The following LIPI variants were observed in gnomAD, a reference collection of about 807,000 sequenced individuals.
LIPI encodes lipase member I.
LIPI carries 59 observed loss-of-function variants against 50.6 expected under a neutral mutation model. That is an observed-to-expected ratio of 1.16 (90% CI 0.94 to 1.45). LIPI has a LOEUF of 1.45. LIPI is among the 40% of genes most tolerant of loss of function. LIPI has a pLI of 0.00. For missense variants in LIPI, 586 were observed against 536.3 expected (o/e 1.09, Z -0.92); for synonymous variants, 203 against 178.2 (o/e 1.14, Z -1.11).
At chr21:14,155,591 T>C (rs1245456459) in intron 7 of LIPI, among the ~76,000 whole-genome samples, 3 of 152,022 alleles carry the variant, frequency 2.0e-5, no homozygotes, top group Non-Finnish European at 2.9e-5. Flanking sequence ...AATGATGCAT[T>C]ACCTACAGGA....
At position 14,207,793 on chromosome 21, in the gene LIPI, C is replaced by T. The variant is rs143014774; in HGVS notation, c.46+3007G>A. Among the ~76,000 whole-genome samples the T allele has an allele frequency of 5.5e-4, 84 of 152,046 alleles. No homozygotes were observed. The East Asian group carries it at 7.5e-3, about 14-fold the overall frequency. On this transcript the variant is annotated intron_variant, in intron 1 of 9. Transcript: ENST00000681601. ...AAAAGAATTAAAGAGAAAATGAACA[C>T]GGAAAAAAACACAGTGGATTATTCT... is the stretch of plus-strand genomic sequence containing the variant.
chr21:14,176,767 G>A (rs1408646802), intron 4 of LIPI, among the ~76,000 whole-genome samples: 1 of 144,988 alleles, frequency 6.9e-6, no homozygotes, highest in Admixed American at 6.9e-5. Flanking sequence ...TCATAGCTCT[G>A]ATTATATTTA....
intron 2 of LIPI, among the ~76,000 whole-genome samples, chr21:14,187,762 T>TACTC (rs34331881): frequency 0.17 from 26,571 of 152,092 alleles, 2,744 homozygotes; most frequent in South Asian, 0.27. Context: ...AAGTTGATCT[T>TACTC]AATGATTACT....
intron 9 of LIPI, among the ~76,000 whole-genome samples, chr21:14,125,863 A>G (rs1359402468): frequency 6.6e-6 from 1 of 152,164 alleles, no homozygotes; most frequent in African/African-American, 2.4e-5. Flanking sequence ...CCAAGATGAT[A>G]GTTTTAAACC....
At chr21:14,183,012 G>A (rs374624450) in intron 3 of LIPI, among the ~76,000 whole-genome samples, 477 of 151,958 alleles carry the variant, frequency 3.1e-3, no homozygotes, top group Middle Eastern at 0.01. Context: ...AGCCCGCATC[G>A]CCAAGTCAAT....
intron 9 of LIPI, among the ~76,000 whole-genome samples, chr21:14,116,433 GAGTGAA>G (rs1252429156): frequency 1.3e-5 from 2 of 152,176 alleles, no homozygotes; most frequent in Non-Finnish European, 2.9e-5. Context: ...GTGAATCTGA[GAGTGAA>G]AGTGAGAGTG....
intron 9 of LIPI, among the ~76,000 whole-genome samples, chr21:14,143,081 T>A (rs2017771859): frequency 6.6e-6 from 1 of 152,134 alleles, no homozygotes; most frequent in Non-Finnish European, 1.5e-5. Context: ...AATGACCAGA[T>A]AATGGAATCC....
intron 4 of LIPI, among the ~76,000 whole-genome samples, chr21:14,169,648 A>G (rs2018820148): frequency 6.6e-6 from 1 of 152,226 alleles, no homozygotes; most frequent in Admixed American, 6.5e-5. Flanking sequence ...AGAAATAAAG[A>G]TGTTGTTTGA....
At chr21:14,199,848 C>G (rs2019991173) in intron 1 of LIPI, among the ~76,000 whole-genome samples, 1 of 151,862 alleles carries the variant, frequency 6.6e-6, no homozygotes, top group African/African-American at 2.4e-5. Flanking sequence ...ATGCAAAAAT[C>G]CTCAACAAAA....
chr21:14,139,196 C>A (rs2017613979), intron 9 of LIPI, among the ~76,000 whole-genome samples: 1 of 151,970 alleles, frequency 6.6e-6, no homozygotes, highest in Non-Finnish European at 1.5e-5. Context: ...ACCCAGTATA[C>A]AATTTATTAG....
Position 14,163,459 on chromosome 21 carries a change from G to T in LIPI, c.966C>A (p.Thr322=). Residue 322 remains threonine (T), a synonymous_variant, in exon 7 of 10, where the codon ACC becomes ACA. Transcript: ENST00000681601. ...KERMEGRPLR[T]TVFLDTSGTY... ...TACCACTTGTATCCAAAAACACAGTGGTCCTAAGAGGTCTTCCTTCCATCC... is the reference window on the plus strand; with the variant it reads ...TACCACTTGTATCCAAAAACACAGTTGTCCTAAGAGGTCTTCCTTCCATCC... 1 of 1,577,402 alleles carries T rather than the reference G, an allele frequency of 6.3e-7. No individual in the cohort carries two copies.
At chr21:14,200,764 ATTT>A (rs1283051788) in intron 1 of LIPI, among the ~76,000 whole-genome samples, 1 of 152,052 alleles carries the variant, frequency 6.6e-6, no homozygotes, top group Non-Finnish European at 1.5e-5. Context: ...AAAAAAAACT[ATTT>A]TAAAATTCAC....
At chr21:14,133,404 A>C (rs1399887352) in intron 9 of LIPI, among the ~76,000 whole-genome samples, 1 of 152,244 alleles carries the variant, frequency 6.6e-6, no homozygotes, top group Non-Finnish European at 1.5e-5. Flanking sequence ...ATCTAGAAAA[A>C]GCATTTGATA....
intron 8 of LIPI, among the ~76,000 whole-genome samples, chr21:14,149,503 C>A (rs952844054): frequency 6.6e-6 from 1 of 152,154 alleles, no homozygotes; most frequent in Non-Finnish European, 1.5e-5. Context: ...AACAGTCCCC[C>A]AAAGTCTTAA....
chr21:14,130,343 G>C (rs981421951), intron 9 of LIPI, among the ~76,000 whole-genome samples: 1 of 151,924 alleles, frequency 6.6e-6, no homozygotes, highest in Non-Finnish European at 1.5e-5. Context: ...CTGTCTAAGA[G>C]AGAGAGAGAG....
At chr21:14,166,589 G>C (rs888172265) in intron 4 of LIPI, 138 bp from the exon 5 acceptor site, 56 of 649,706 alleles carry the variant, frequency 8.6e-5, no homozygotes, top group Non-Finnish European at 1.5e-4. Flanking sequence ...TTTTTATAAA[G>C]ATAAGTTTTT....
At chr21:14,192,337 C>A (rs369592051) in intron 1 of LIPI, among the ~76,000 whole-genome samples, 1 of 151,866 alleles carries the variant, frequency 6.6e-6, no homozygotes, top group Non-Finnish European at 1.5e-5. Context: ...TGGTTGTGGG[C>A]GCCTGTAATC....
intron 4 of LIPI, among the ~76,000 whole-genome samples, chr21:14,168,803 T>A (rs1446097830): frequency 1.3e-5 from 2 of 152,104 alleles, no homozygotes; most frequent in African/African-American, 4.8e-5. Context: ...AGAAACTGCA[T>A]CAACTAACAA....
At chr21:14,185,019 C>A (rs2019403794) in intron 3 of LIPI, among the ~76,000 whole-genome samples, 1 of 152,022 alleles carries the variant, frequency 6.6e-6, no homozygotes, top group Non-Finnish European at 1.5e-5. Context: ...TATTATAAGT[C>A]TTCTATGGCC....
Sources: allele counts gnomAD v4.1 joint callset (sites outside exome capture counted in the v4.1 genomes callset), GRCh38; gene constraint gnomAD v4.1.1; transcripts MANE v1.5; gene names NCBI Gene and HGNC (gene_info 2026-07-23, HGNC 2026-07-21).